LINC00237: variants seen among roughly 807,000 people sequenced by gnomAD.
The protein encoded by LINC00237 is long intergenic non-protein coding RNA 237.
chr20:21,088,878 T>C (rs1232642584), intron 2 of LINC00237, among the ~76,000 whole-genome samples: 1 of 152,106 alleles, frequency 6.6e-6, no homozygotes, highest in Non-Finnish European at 1.5e-5. Context: ...ACATGTTCGG[T>C]GCTCTGAACC....
chr20:21,105,983 C>G (rs1389304982), intron 1 of LINC00237, among the ~76,000 whole-genome samples: 1 of 152,100 alleles, frequency 6.6e-6, no homozygotes, highest in Admixed American at 6.5e-5. Flanking sequence ...GGGATGGGAT[C>G]CAGAGAGAGA....
chr20:21,092,537 C>A (rs2030806222), intron 2 of LINC00237, among the ~76,000 whole-genome samples: 1 of 152,302 alleles, frequency 6.6e-6, no homozygotes, highest in East Asian at 1.9e-4. Flanking sequence ...ATAACCAGAT[C>A]ATCTGTTATT....
intron 1 of LINC00237, among the ~76,000 whole-genome samples, chr20:21,100,885 C>T (rs530503399): frequency 2.6e-4 from 39 of 152,268 alleles, no homozygotes; most frequent in African/African-American, 8.4e-4. Flanking sequence ...TCATCAGCCC[C>T]GGCCCGACCT....
At chr20:21,100,834 A>G (rs1480957263) in intron 1 of LINC00237, among the ~76,000 whole-genome samples, 1 of 152,086 alleles carries the variant, frequency 6.6e-6, no homozygotes, top group African/African-American at 2.4e-5. Context: ...CAAGTCTTTC[A>G]TCATGTTTCT....
intron 3 of LINC00237, among the ~76,000 whole-genome samples, chr20:21,086,167 T>C (rs2122162815): frequency 6.6e-6 from 1 of 152,280 alleles, no homozygotes; most frequent in East Asian, 1.9e-4. Context: ...CAGAGACCCA[T>C]CTCTAACTTC....
intron 1 of LINC00237, among the ~76,000 whole-genome samples, chr20:21,100,890 C>G (rs1333870915): frequency 6.6e-6 from 1 of 152,128 alleles, no homozygotes. Context: ...AGCCCCGGCC[C>G]GACCTCGCCG....
In LINC00237 at chr20:21,101,062, G is replaced by A. The variant is rs1420702573; in HGVS notation, n.88+5209C>T. On this transcript the variant is annotated intron_variant and non_coding_transcript_variant, in intron 1 of 3. Transcript: ENST00000691244. This position sits in a 1 kb window ranked among gnomAD's most constrained non-coding sequence, Gnocchi z 4.3. ...CCCGCGACAAACAGCCCCACCGAGA[G>A]CCGCTGAATGGGCGTGATTAGCATG... Among the ~76,000 whole-genome samples, 1 of 152,172 alleles carries A rather than the reference G, an allele frequency of 6.6e-6. No individual in the cohort carries two copies. The highest frequency in any genetic ancestry group is 2.4e-5 in the African/African-American group (1 of 41,432).
intron 2 of LINC00237, among the ~76,000 whole-genome samples, chr20:21,089,271 T>C (rs1046702894): frequency 6.6e-6 from 1 of 151,832 alleles, no homozygotes; most frequent in African/African-American, 2.4e-5. Flanking sequence ...CTTTGCAAGA[T>C]AGGTTTGCTA....
chr20:21,092,728 A>G (rs2030808898), intron 2 of LINC00237: 2 of 152,222 alleles, frequency 1.3e-5, no homozygotes, highest in Admixed American at 1.3e-4. Context: ...TCTGATGCTG[A>G]ATAGAAAATG....
intron 1 of LINC00237, among the ~76,000 whole-genome samples, chr20:21,094,071 G>A (rs545045135): frequency 5.1e-4 from 77 of 152,346 alleles, no homozygotes; most frequent in African/African-American, 1.8e-3. Flanking sequence ...ATACATTCCA[G>A]TGAGAACAAA....
exon 2 of LINC00237, chr20:21,093,585 T>G (rs2030819297): frequency 6.6e-6 from 1 of 152,266 alleles, no homozygotes; most frequent in South Asian, 2.1e-4. Flanking sequence ...GGGATATCCA[T>G]GTACTGACTG....
At chr20:21,086,235 G>A (rs1219499681) in intron 3 of LINC00237, among the ~76,000 whole-genome samples, 2 of 152,100 alleles carry the variant, frequency 1.3e-5, no homozygotes, top group Non-Finnish European at 2.9e-5. Context: ...AAACCTGTTA[G>A]TGCCTTTGTT....
intron 3 of LINC00237, among the ~76,000 whole-genome samples, chr20:21,085,972 CA>C (rs1314576585): frequency 6.6e-6 from 1 of 152,168 alleles, no homozygotes; most frequent in Non-Finnish European, 1.5e-5. Context: ...TCAAGACCCA[CA>C]GGGGTGACGT....
exon 4 of LINC00237, among the ~76,000 whole-genome samples, chr20:21,085,671 G>C (rs2030681752): frequency 6.6e-6 from 1 of 152,144 alleles, no homozygotes; most frequent in South Asian, 2.1e-4. Flanking sequence ...GGAGGCTATT[G>C]ACTGAAGGGG....
chr20:21,102,603 G>A (rs1208039203), intron 1 of LINC00237, among the ~76,000 whole-genome samples: 1 of 151,068 alleles, frequency 6.6e-6, no homozygotes, highest in African/African-American at 2.4e-5. Context: ...AGACTTCAAC[G>A]CACAGAATCG....
chr20:21,099,677 G>C (rs2030905485), intron 1 of LINC00237, among the ~76,000 whole-genome samples: 1 of 152,066 alleles, frequency 6.6e-6, no homozygotes, highest in South Asian at 2.1e-4. Flanking sequence ...ATATATATAA[G>C]GGTTAGAGTT....
chr20:21,091,688 T>C (rs186855189), intron 2 of LINC00237, among the ~76,000 whole-genome samples: 75 of 152,306 alleles, frequency 4.9e-4, no homozygotes, highest in Admixed American at 4.6e-3. Flanking sequence ...CATTTACATT[T>C]CCTGTTGCCA....
At chr20:21,090,958 TCTC>T (rs1290124380) in intron 2 of LINC00237, among the ~76,000 whole-genome samples, 2 of 152,114 alleles carry the variant, frequency 1.3e-5, no homozygotes, top group East Asian at 1.9e-4. Flanking sequence ...GCCCGGGTCT[TCTC>T]CTGGCATCAA....
At chr20:21,088,093 G>T (rs1488024772) in intron 2 of LINC00237, 1 of 152,220 alleles carries the variant, frequency 6.6e-6, no homozygotes, top group East Asian at 1.9e-4. Flanking sequence ...CAAGTTGAGG[G>T]TGGAGCTGTT....
Sources: gnomAD v4.1 joint callset for allele counts (sites outside exome capture counted in the v4.1 genomes callset) on GRCh38, gnomAD v4.1.1 for gene constraint, Gnocchi (gnomAD v3.1) non-coding constraint, MANE v1.5 for transcripts, NCBI Gene and HGNC (gene_info 2026-07-23, HGNC 2026-07-21) for gene names.